The following ISY1 variants were observed in gnomAD, a reference collection of about 807,000 sequenced individuals.
The protein encoded by ISY1 is ISY1 spliceosome associated protein, also known as pre-mRNA-splicing factor ISY1 homolog.
In ISY1, 12 loss-of-function variants were observed where a neutral mutation model predicts 54.4. The ratio of observed to expected loss-of-function variants is 0.22; its 90% CI spans 0.14 to 0.36. The LOEUF is 0.36. Ranked by LOEUF, ISY1 falls within the 10% of genes least tolerant of loss-of-function variation. The probability of loss-of-function intolerance (pLI) is 1.00; values close to 1 mark genes in which losing one functional copy is unlikely to be tolerated. For synonymous variants in ISY1, 96 were observed against 117.9 expected, an observed-to-expected ratio of 0.81 and a Z score of 1.20; for missense variants, 282 against 342.2, an observed-to-expected ratio of 0.82 and a Z score of 1.39.
chr3:129,160,356 T>C (rs1937267830), intron 1 of ISY1, among the ~76,000 whole-genome samples: 1 of 152,052 alleles, frequency 6.6e-6, no homozygotes, highest in Non-Finnish European at 1.5e-5. Flanking sequence ...ACTACGTGTA[T>C]TCTTAAATTT....
intron 7 of ISY1, among the ~76,000 whole-genome samples, chr3:129,138,609 A>C (rs1172833711): frequency 1.3e-5 from 2 of 151,880 alleles, no homozygotes; most frequent in Non-Finnish European, 2.9e-5. Flanking sequence ...GGGCCACTGT[A>C]CTCCAGCCTT....
chr3:129,150,555 CA>C (rs1035490403), intron 5 of ISY1, among the ~76,000 whole-genome samples: 1 of 151,716 alleles, frequency 6.6e-6, no homozygotes, highest in Non-Finnish European at 1.5e-5. Flanking sequence ...ACTAAAAATA[CA>C]AAAAAAATTA....
intron 5 of ISY1, among the ~76,000 whole-genome samples, chr3:129,154,343 G>T (rs1224349100): frequency 1.3e-5 from 2 of 150,090 alleles, no homozygotes; most frequent in African/African-American, 4.9e-5. Context: ...TTGAACCCAG[G>T]GAGGTGAACC....
rs1937007945 is a variant in ISY1, at chr3:129,152,551, C to CT, written c.187+4081dup. 3.9e-5 allele frequency among the ~76,000 whole-genome samples: 6 copies of CT among 152,164 alleles called. No homozygotes were observed. The South Asian group carries it at 1.2e-3, about 32-fold the overall frequency. ...CCCAGGAAGCTGGGACTACAGGCACCTGCCACCACGCCCGGCTAATTTTTT... is the reference window on the plus strand; with the variant it reads ...CCCAGGAAGCTGGGACTACAGGCACCTTGCCACCACGCCCGGCTAATTTTTT... On this transcript the variant is annotated intron_variant, in intron 5 of 10. Transcript: ENST00000393295.
At chr3:129,132,668 C>T (rs1936269243) in intron 9 of ISY1, among the ~76,000 whole-genome samples, 1 of 152,214 alleles carries the variant, frequency 6.6e-6, no homozygotes, top group African/African-American at 2.4e-5. Flanking sequence ...TACTGGACTG[C>T]CTCCCCCTGG....
At chr3:129,144,016 T>C in intron 6 of ISY1, 1 of 208,652 alleles carries the variant, frequency 4.8e-6, no homozygotes. Context: ...ATATTAATAG[T>C]GTTGAATTTG....
chr3:129,132,419 C>A (rs1376580750), intron 9 of ISY1, among the ~76,000 whole-genome samples: 1 of 152,196 alleles, frequency 6.6e-6, no homozygotes, highest in African/African-American at 2.4e-5. Context: ...CCTCCACTCA[C>A]ACCCAGCACC....
intron 8 of ISY1, 26 bp from the exon 9 acceptor site, chr3:129,134,221 A>C: frequency 6.2e-7 from 1 of 1,613,730 alleles, no homozygotes; most frequent in Non-Finnish European, 8.5e-7. Flanking sequence ...GGTAGGTGCT[A>C]TTTATTTGTC....
chr3:129,160,997 C>T lies in ISY1; in HGVS notation c.-22G>A, dbSNP rs893558937. ...CCATGGTGTCGCTAAGGGCGCCGTC[C>T]TGGAGCCCCGCGGCCCCTGTCCAAG... On this transcript the variant is annotated 5_prime_UTR_variant, in exon 1 of 11. Coordinates refer to ENST00000393295, the MANE Select transcript of ISY1 (RefSeq NM_020701.4). 6.6e-7 allele frequency: 1 copy of T among 1,524,778 alleles called. No individual in the cohort carries two copies. Among genetic ancestry groups the T allele is most frequent in the Non-Finnish European group, 8.8e-7 (1 of 1,131,666 alleles). 94.5% of individuals were successfully genotyped at this position (1,524,778 alleles called of 1,614,324 possible). A position where few individuals can be genotyped will look rare whatever the true frequency, so the allele number is the denominator to read the frequency against.
At position 129,127,488 on chromosome 3, in the gene ISY1, C is replaced by T. The variant is rs573682349; in HGVS notation, c.*2593G>A. The T allele has an allele frequency of 6.6e-6, 1 of 152,342 alleles. No individual in the cohort carries two copies. Among genetic ancestry groups the T allele is most frequent in the African/African-American group, 2.4e-5 (1 of 41,570 alleles). 9.4% of individuals were successfully genotyped at this position (152,342 alleles called of 1,614,324 possible). A position where few individuals can be genotyped will look rare whatever the true frequency, so the allele number is the denominator to read the frequency against. On this transcript the variant is annotated 3_prime_UTR_variant, in exon 11 of 11. Transcript: ENST00000393295. ...GATTGGTTCTGTCACCTCGGAGCCACAAGCTGGGAAAAGATAACCACACCC... is the reference window on the plus strand; with the variant it reads ...GATTGGTTCTGTCACCTCGGAGCCATAAGCTGGGAAAAGATAACCACACCC...
chr3:129,132,027 C>T (rs1486484769), intron 9 of ISY1, among the ~76,000 whole-genome samples: 2 of 152,118 alleles, frequency 1.3e-5, no homozygotes, highest in Admixed American at 6.6e-5. Flanking sequence ...AACAGGGCCT[C>T]ATTGTGTTGC....
At position 129,130,077 on chromosome 3, in the gene ISY1, G is replaced by A; in HGVS notation, c.*4C>T. On this transcript the variant is annotated 3_prime_UTR_variant, in exon 11 of 11. Transcript: ENST00000393295. ...AGAACTCCAAGGAGAGCCCCAGCTG[G>A]GTCCTAATACCCCAGGAGCCTTCTG... 2 of 1,583,884 alleles carry A rather than the reference G, an allele frequency of 1.3e-6. No homozygotes were observed. Among genetic ancestry groups the A allele is most frequent in the Non-Finnish European group, 8.6e-7 (1 of 1,168,554 alleles).
intron 5 of ISY1, among the ~76,000 whole-genome samples, chr3:129,156,398 C>CAAAA (rs11437245): frequency 8.7e-6 from 1 of 115,300 alleles, no homozygotes; most frequent in Admixed American, 9.0e-5. Flanking sequence ...GACTCTGTCT[C>CAAAA]AAAAAAAAAA....
At position 129,161,027 on chromosome 3, in the gene ISY1, T is replaced by TC. The variant is rs573282882; in HGVS notation, c.-53dup. On this transcript the variant is annotated 5_prime_UTR_variant, in exon 1 of 11. Coordinates refer to ENST00000393295, the MANE Select transcript of ISY1 (RefSeq NM_020701.4). ...GCCCCGCGGCCCCTGTCCAAGAAAC[T>TC]CCACAGGCCCAGAAGACGCCGACGC... The TC allele has an allele frequency of 1.9e-4, 275 of 1,479,408 alleles. No homozygotes were observed. In the African/African-American group the frequency reaches 3.6e-3, roughly 19 times the overall value. The allele number at this position is 1,479,408 out of a possible 1,614,324, so 91.6% of individuals were successfully genotyped here.
chr3:129,137,800 T>C (rs1484316353), intron 7 of ISY1, among the ~76,000 whole-genome samples: 2 of 145,654 alleles, frequency 1.4e-5, no homozygotes. Flanking sequence ...TAGTCCCAGC[T>C]ACTCGGGAGG....
At chr3:129,130,464 G>T in intron 10 of ISY1, 86 bp downstream of exon 10, 1 of 1,513,184 alleles carries the variant, frequency 6.6e-7, no homozygotes, top group East Asian at 2.3e-5. Context: ...TGGGTAGGAA[G>T]GACAACGAAA....
At chr3:129,157,936 C>T (rs1218343240) in intron 3 of ISY1, among the ~76,000 whole-genome samples, 1 of 152,098 alleles carries the variant, frequency 6.6e-6, no homozygotes, top group Non-Finnish European at 1.5e-5. Flanking sequence ...TCTCGGTGCA[C>T]TGCAACCTCC....
At chr3:129,149,636 T>TATATATACAC (rs759382962) in intron 5 of ISY1, among the ~76,000 whole-genome samples, 13 of 54,702 alleles carry the variant, frequency 2.4e-4, no homozygotes, top group African/African-American at 7.8e-4. Context: ...TATATATATA[T>TATATATACAC]ACACAAAAAA....
chr3:129,130,893 C>T (rs1936219888), intron 9 of ISY1, among the ~76,000 whole-genome samples: 1 of 152,266 alleles, frequency 6.6e-6, no homozygotes, highest in East Asian at 1.9e-4. Context: ...AGATGAGGGA[C>T]AGGGTGAGGA....
Sources: gnomAD v4.1 joint callset for allele counts (sites outside exome capture counted in the v4.1 genomes callset) on GRCh38, gnomAD v4.1.1 for gene constraint, MANE v1.5 for transcripts, NCBI Gene and HGNC (gene_info 2026-07-23, HGNC 2026-07-21) for gene names.